Variants in TM9SF1 observed in about 807,000 individuals in gnomAD.
TM9SF1 encodes MP70 protein family member.
In TM9SF1, 25 loss-of-function variants were observed where a neutral mutation model predicts 52.4. The ratio of observed to expected loss-of-function variants is 0.48; its 90% CI spans 0.35 to 0.67. The LOEUF is 0.67. TM9SF1 is among the 30% of genes least tolerant of loss of function. TM9SF1 has a pLI of 0.01. For synonymous variants in TM9SF1, 284 were observed against 299.8 expected (o/e 0.95, Z 0.55); for missense variants, 604 against 780.3 (o/e 0.77, Z 2.69).
chr14:24,194,680 C>G lies in TM9SF1; in HGVS notation c.340G>C (p.Ala114Pro). 1 of 1,613,734 alleles carries G rather than the reference C, an allele frequency of 6.2e-7. No individual in the cohort carries two copies. ...RILCHMQLSS[A>P]QVEQLRQAIE... ...GCCAATGTGGAGAGGCTGACCTGTG[C>G]AGAACTGAGCTGCATGTGGCACAGA... Residue 114 changes from alanine (A) to proline (P), a missense_variant, in exon 2 of 6, where the codon GCA becomes CCA. Ala to Pro is a conservative substitution (Grantham distance 27). Coordinates refer to ENST00000261789, the MANE Select transcript of TM9SF1 (RefSeq NM_006405.7).
chr14:24,190,730 C>A, intron 4 of TM9SF1, 77 bp from the exon 5 acceptor site: 2 of 1,366,922 alleles, frequency 1.5e-6, no homozygotes, highest in East Asian at 2.5e-5. Flanking sequence ...CATCCAGGAC[C>A]AAAAGGGGAG....
chr14:24,191,824 T>C (rs2039326718), intron 4 of TM9SF1: 1 of 196,840 alleles, frequency 5.1e-6, no homozygotes, highest in African/African-American at 2.3e-5. Flanking sequence ...CTTTTTTTTT[T>C]TTTGAGACAG....
rs1357673998 is a variant in TM9SF1, at chr14:24,189,464, GA to G, written c.1771del (p.Ser591LeufsTer3). 1.2e-6 allele frequency: 2 copies of G among 1,613,980 alleles called. No homozygotes were observed. The highest frequency in any genetic ancestry group is 1.7e-6 in the Non-Finnish European group (2 of 1,179,970). On this transcript the variant is annotated frameshift_variant, in exon 6 of 6. Coordinates refer to ENST00000261789, the MANE Select transcript of TM9SF1 (RefSeq NM_006405.7). LOFTEE classifies it high-confidence loss of function. ...GATATACCGGATGAACTTTAGGGAA[GA>G]AAAAAAGGAGATGGTGCCCAGCATG... ...FLMLGTISFF[S>X]SLKFIRYIYV...
chr14:24,192,059 G>T lies in TM9SF1; in HGVS notation c.1153+112C>A. 1.8e-6 allele frequency: 2 copies of T among 1,102,296 alleles called. No homozygotes were observed. The highest frequency in any genetic ancestry group is 2.7e-6 in the Non-Finnish European group (2 of 734,708). 68.3% of individuals were successfully genotyped at this position (1,102,296 alleles called of 1,614,324 possible). A position where few individuals can be genotyped will look rare whatever the true frequency, so the allele number is the denominator to read the frequency against. On this transcript the variant is annotated intron_variant, in intron 4 of 5. Coordinates refer to ENST00000261789, the MANE Select transcript of TM9SF1 (RefSeq NM_006405.7). This position sits in a 1 kb window ranked among gnomAD's most constrained non-coding sequence, Gnocchi z 4.0. ...ACTTTTGGGCTCAAGTGATCCTCCG[G>T]CCTCGGTCTCCCAAAGTGCTAGGAT...
intron 5 of TM9SF1, chr14:24,190,107 T>C (rs1482329743): frequency 7.4e-7 from 1 of 1,359,626 alleles, no homozygotes; most frequent in Admixed American, 3.4e-5. Flanking sequence ...GGTCATCAAA[T>C]GGGCTTTAAA....
chr14:24,193,273 T>A lies in TM9SF1; in HGVS notation c.346-4A>T. ...TGGCCTGGCGCAGCTGCTCCACCTA[T>A]AAAGAGCAAGTCAGGAGTTGGTCAC... On this transcript the variant is annotated splice_polypyrimidine_tract_variant and splice_region_variant and intron_variant, in intron 2 of 5. Coordinates refer to ENST00000261789, the MANE Select transcript of TM9SF1 (RefSeq NM_006405.7). The A allele has an allele frequency of 5.7e-6, 9 of 1,587,432 alleles. No individual in the cohort carries two copies. The highest frequency in any genetic ancestry group is 7.7e-6 in the Non-Finnish European group (9 of 1,165,294).
chr14:24,190,432 A>C lies in TM9SF1; in HGVS notation c.1375T>G (p.Trp459Gly). ...NIAREIPPQP[W>G]YKSTVIHMTV... ...ATGTGGATGACAGTAGACTTGTACC[A>C]GGGCTGGGGTGGAATCTCCCGGGCG... The change falls in exon 5 of 6, where the codon TGG (tryptophan) becomes GGG (glycine). Residue 459 changes from tryptophan (W) to glycine (G), a missense_variant. Trp to Gly is a radical substitution (Grantham distance 184). Transcript: ENST00000261789. 6.2e-7 allele frequency: 1 copy of C among 1,612,028 alleles called. No individual in the cohort carries two copies. Among genetic ancestry groups the C allele is most frequent in the Non-Finnish European group, 8.5e-7 (1 of 1,178,646 alleles).
At position 24,194,550 on chromosome 14, in the gene TM9SF1, C is replaced by T. The variant is rs1297290466; in HGVS notation, c.345+125G>A. ...AGCATCACCTAACCTGCCTGCCACA[C>T]TGGGTTGTATTGTAGTTAGAATCAA... On this transcript the variant is annotated intron_variant, in intron 2 of 5. Coordinates refer to ENST00000261789, the MANE Select transcript of TM9SF1 (RefSeq NM_006405.7). The T allele has an allele frequency of 3.2e-6, 3 of 926,720 alleles. No homozygotes were observed. The Admixed American group carries it at 6.8e-5, about 21-fold the overall frequency. The allele number at this position is 926,720 out of a possible 1,614,324, so 57.4% of individuals were successfully genotyped here.
Position 24,189,429 on chromosome 14 carries a change from G to A in TM9SF1, c.1807C>T (p.Leu603Phe). 1 of 1,613,364 alleles carries A rather than the reference G, an allele frequency of 6.2e-7. No individual in the cohort carries two copies. Among genetic ancestry groups the A allele is most frequent in the Non-Finnish European group, 8.5e-7 (1 of 1,179,676 alleles). The part of the protein sequence containing the change: ...LKFIRYIYVN[L>F]KMD The stretch of plus-strand genomic sequence containing the variant: ...CCATACAGAACTCAGTCCATCTTGA[G>A]GTTAACATAGATATACCGGATGAAC... The change falls in exon 6 of 6, where the codon CTC becomes TTC. Residue 603 changes from leucine (L) to phenylalanine (F), a missense_variant. Leu to Phe is a conservative substitution (Grantham distance 22, BLOSUM62 0). Transcript: ENST00000261789.
intron 2 of TM9SF1, 53 bp from the exon 3 acceptor site, chr14:24,193,322 T>A: frequency 6.5e-7 from 1 of 1,529,710 alleles, no homozygotes; most frequent in Non-Finnish European, 8.8e-7. Context: ...AGGCGCAGAG[T>A]TACAGCAAAG....
Position 24,192,724 on chromosome 14 carries a change from G to A in TM9SF1, c.891C>T (p.Val297=). Residue 297 remains valine, a synonymous_variant, in exon 3 of 6, where the codon GTC becomes GTT. Coordinates refer to ENST00000261789, the MANE Select transcript of TM9SF1 (RefSeq NM_006405.7). This position sits in a 1 kb window ranked among gnomAD's most constrained non-coding sequence, Gnocchi z 4.0. ...GACCACGGTATGGGGGGAAGCGGAA[G>A]ACATCTGTATGGATAATTTTCCAGC... is the stretch of plus-strand genomic sequence containing the variant. ...DNGWKIIHTD[V]FRFPPYRGLL... The A allele has an allele frequency of 6.2e-7, 1 of 1,613,630 alleles. No homozygotes were observed. The highest frequency in any genetic ancestry group is 8.5e-7 in the Non-Finnish European group (1 of 1,179,704).
chr14:24,193,312 A>G, intron 2 of TM9SF1, 43 bp from the exon 3 acceptor site: 1 of 1,540,666 alleles, frequency 6.5e-7, no homozygotes, highest in South Asian at 1.3e-5. Context: ...AGATCTCCCC[A>G]GGCGCAGAGT....
At chr14:24,190,337 T>TCAGGAAC in intron 5 of TM9SF1, 43 bp downstream of exon 5, 1 of 1,523,620 alleles carries the variant, frequency 6.6e-7, no homozygotes, top group South Asian at 1.3e-5. Context: ...AAAATTGAGG[T>TCAGGAAC]CAGGAACCTG....
rs1239088696 is a variant in TM9SF1 at position 24,192,387 on chromosome 14, G to A, written c.968-31C>T. ...GGACGGTAGCGGAAAGCCCAAGTTA[G>A]GCCTCACCTGTGTCTCTTCTAGCAA... is the stretch of plus-strand genomic sequence containing the variant. On this transcript the variant is annotated intron_variant, in intron 3 of 5. Transcript: ENST00000261789. The surrounding 1 kb of genome is among the most constrained non-coding windows in gnomAD (Gnocchi z 4.0). 1.3e-6 allele frequency: 2 copies of A among 1,598,752 alleles called. No individual in the cohort carries two copies. The highest frequency in any genetic ancestry group is 1.3e-5 in the African/African-American group (1 of 74,618).
chr14:24,194,489 T>C (rs2039369488), intron 2 of TM9SF1, among the ~76,000 whole-genome samples, 186 bp downstream of exon 2: 1 of 152,216 alleles, frequency 6.6e-6, no homozygotes, highest in Admixed American at 6.5e-5. Context: ...AAGTAACTTC[T>C]GAGCAAGTAT....
rs764455269 is a variant in TM9SF1 at position 24,189,742 on chromosome 14, G to A, written c.1494C>T (p.Tyr498=). 9 of 1,614,138 alleles carry A rather than the reference G, an allele frequency of 5.6e-6. No individual in the cohort carries two copies. The highest frequency in any genetic ancestry group is 7.6e-6 in the Non-Finnish European group (9 of 1,180,028). ...TGGCGAAGACAAAGAAGAGGATGCCGTACAAAGTGTACTGCTCCCGACCCC... is the reference window on the plus strand; with the variant it reads ...TGGCGAAGACAAAGAAGAGGATGCCATACAAAGTGTACTGCTCCCGACCCC... The part of the protein sequence containing the change: ...TVWGREQYTL[Y]GILFFVFAIL... Residue 498 remains tyrosine, a synonymous_variant, in exon 6 of 6, where the codon TAC becomes TAT. Transcript: ENST00000261789.
At chr14:24,190,212 C>A (rs1343374375) in intron 5 of TM9SF1, 168 bp downstream of exon 5, 2 of 1,452,436 alleles carry the variant, frequency 1.4e-6, no homozygotes, top group Non-Finnish European at 1.8e-6. Flanking sequence ...ACTCTCATAT[C>A]ATTCAAGCTC....
chr14:24,194,234 G>A (rs1017786379), intron 2 of TM9SF1, among the ~76,000 whole-genome samples: 4 of 152,078 alleles, frequency 2.6e-5, no homozygotes, highest in African/African-American at 9.7e-5. Flanking sequence ...AGAGCGGTGA[G>A]GTATAAGGAG....
Position 24,190,328 on chromosome 14 carries a change from A to T in TM9SF1, c.1427+52T>A, listed in dbSNP as rs2138827585. 5.2e-6 allele frequency: 8 copies of T among 1,531,572 alleles called. 1 individual carries two copies. The East Asian group carries it at 1.8e-4, about 35-fold the overall frequency. 94.9% of individuals were successfully genotyped at this position (1,531,572 alleles called of 1,614,324 possible). On this transcript the variant is annotated intron_variant, in intron 5 of 5. Coordinates refer to ENST00000261789, the MANE Select transcript of TM9SF1 (RefSeq NM_006405.7). ...GGTACTGGATGAGTAGGGACAGGAA[A>T]AATTGAGGTCAGGAACCTGACAGTA...
Sources: allele counts gnomAD v4.1 joint callset (sites outside exome capture counted in the v4.1 genomes callset), GRCh38; gene constraint gnomAD v4.1.1; non-coding constraint Gnocchi (gnomAD v3.1); transcripts MANE v1.5; gene names NCBI Gene and HGNC (gene_info 2026-07-23, HGNC 2026-07-21).